The following INPP4B variants were observed in gnomAD, a reference collection of about 807,000 sequenced individuals.
INPP4B encodes inositol polyphosphate 4-phosphatase type II.
In INPP4B, 55 loss-of-function variants were observed where a neutral mutation model predicts 122.5. The observed-to-expected ratio is 0.45, with a 90% CI of 0.36 to 0.56. INPP4B has a LOEUF of 0.56. Among genes scored for constraint, INPP4B ranks in the 20% least tolerant of loss-of-function variants. The probability of loss-of-function intolerance (pLI) is 0.00; values close to 1 mark genes in which losing one functional copy is unlikely to be tolerated. For missense variants in INPP4B, 1,000 were observed against 1,097.7 expected, an observed-to-expected ratio of 0.91 and a Z score of 1.26; for synonymous variants, 403 against 388.7, an observed-to-expected ratio of 1.04 and a Z score of -0.43.
chr4:142,472,002 G>A (rs1456706243), intron 2 of INPP4B, among the ~76,000 whole-genome samples: 2 of 151,934 alleles, frequency 1.3e-5, no homozygotes, highest in Admixed American at 6.6e-5. Context: ...AAGCACTGTG[G>A]GCCTTAGCAG....
At chr4:142,207,690 G>C (rs1427974812) in intron 14 of INPP4B, among the ~76,000 whole-genome samples, 1 of 152,048 alleles carries the variant, frequency 6.6e-6, no homozygotes, top group Non-Finnish European at 1.5e-5. Flanking sequence ...GGAGGACAGG[G>C]ACATAATCTA....
chr4:142,690,594 A>T (rs190039657), intron 2 of INPP4B, among the ~76,000 whole-genome samples: 8 of 152,294 alleles, frequency 5.3e-5, no homozygotes, highest in Non-Finnish European at 1.2e-4. Context: ...ACATTGAAAC[A>T]ATCTTGAAAG....
chr4:142,743,407 A>G (rs1768186677), intron 1 of INPP4B, among the ~76,000 whole-genome samples: 1 of 151,992 alleles, frequency 6.6e-6, no homozygotes, highest in Non-Finnish European at 1.5e-5. Context: ...GAGGTTTCAG[A>G]TATCTGAGCA....
At chr4:142,365,657 C>T (rs913493103) in intron 7 of INPP4B, among the ~76,000 whole-genome samples, 6 of 152,116 alleles carry the variant, frequency 3.9e-5, no homozygotes, top group African/African-American at 1.4e-4. Context: ...CACAGCAGCT[C>T]ATTAGAATGC....
At chr4:142,225,115 G>A (rs894848654) in intron 12 of INPP4B, among the ~76,000 whole-genome samples, 6 of 152,034 alleles carry the variant, frequency 3.9e-5, no homozygotes, top group Admixed American at 6.6e-5. Flanking sequence ...CCATCCAATC[G>A]GCTGCCAAAG....
rs116168304 is a variant in INPP4B, at chr4:142,302,253, A to G, written c.503+3205T>C. 8.7e-3 allele frequency among the ~76,000 whole-genome samples: 1,326 copies of G among 152,258 alleles called. 17 individuals carry two copies. Among genetic ancestry groups the G allele is most frequent in the African/African-American group, 0.03 (1,257 of 41,550 alleles). On this transcript the variant is annotated intron_variant, in intron 9 of 25. Transcript: ENST00000262992. ...CTGGCATAGGACCACTCTTCTAGTC[A>G]TCACCTTCTGTAAGCCTCGGCACGG...
In INPP4B at chr4:142,029,704, T is replaced by C. The variant is rs1738603785; in HGVS notation, c.2643-790A>G. On this transcript the variant is annotated intron_variant, in intron 25 of 25. Coordinates refer to ENST00000262992, the MANE Select transcript of INPP4B (RefSeq NM_001101669.3). The stretch of plus-strand genomic sequence containing the variant: ...AATTTCTATCAGCAGATGGCATCTA[T>C]GATATTAGCACAGTGGAAATAAAGT... 2.1e-5 allele frequency: 21 copies of C among 986,028 alleles called. No homozygotes were observed. In the South Asian group the frequency reaches 7.5e-4, roughly 35 times the overall value. The allele number at this position is 986,028 out of a possible 1,614,324, so 61.1% of individuals were successfully genotyped here.
chr4:142,502,356 T>C (rs1823491407), intron 2 of INPP4B, among the ~76,000 whole-genome samples: 1 of 152,162 alleles, frequency 6.6e-6, no homozygotes, highest in Non-Finnish European at 1.5e-5. Context: ...TCTTTGAATG[T>C]ACTTATGAAT....
chr4:142,350,131 T>C (rs1781499603), intron 7 of INPP4B, among the ~76,000 whole-genome samples: 1 of 151,962 alleles, frequency 6.6e-6, no homozygotes, highest in African/African-American at 2.4e-5. Flanking sequence ...AGAACTTGAA[T>C]TGTATGTTGC....
intron 23 of INPP4B, among the ~76,000 whole-genome samples, chr4:142,097,710 A>G (rs985074099): frequency 2.6e-5 from 4 of 152,174 alleles, no homozygotes; most frequent in Non-Finnish European, 4.4e-5. Flanking sequence ...AGAACCTTCA[A>G]TGTGATAATG....
chr4:142,195,873 G>A (rs1432665113), intron 14 of INPP4B, among the ~76,000 whole-genome samples: 1 of 152,130 alleles, frequency 6.6e-6, no homozygotes, highest in Non-Finnish European at 1.5e-5. Flanking sequence ...CTATGCAAGT[G>A]GCAGGCCCTG....
chr4:142,351,613 AAAC>A (rs1781947466), intron 7 of INPP4B, among the ~76,000 whole-genome samples: 1 of 151,996 alleles, frequency 6.6e-6, no homozygotes, highest in African/African-American at 2.4e-5. Context: ...TTTTCCATAG[AAAC>A]TACTTCCTTT....
At chr4:142,081,979 A>G in intron 25 of INPP4B, 52 bp downstream of exon 25, 2 of 1,288,438 alleles carry the variant, frequency 1.6e-6, no homozygotes, top group Non-Finnish European at 2.0e-6. Context: ...AAAAAATAAA[A>G]ACAACTCAAA....
chr4:142,652,787 C>T (rs1476620492), intron 2 of INPP4B, among the ~76,000 whole-genome samples: 1 of 152,098 alleles, frequency 6.6e-6, no homozygotes, highest in African/African-American at 2.4e-5. Flanking sequence ...GCCATATTGC[C>T]CAAGGTAATT....
chr4:142,827,396 C>T (rs1424936032), intron 1 of INPP4B, among the ~76,000 whole-genome samples: 1 of 152,158 alleles, frequency 6.6e-6, no homozygotes, highest in Admixed American at 6.6e-5. Context: ...TTAACAAAGT[C>T]ACACACAAAC....
chr4:142,726,329 G>C (rs1269992071), intron 1 of INPP4B, among the ~76,000 whole-genome samples: 1 of 152,174 alleles, frequency 6.6e-6, no homozygotes, highest in Non-Finnish European at 1.5e-5. Context: ...CTGCTAGTGA[G>C]CATGGGTTTT....
chr4:142,613,342 A>G (rs1469496776), intron 2 of INPP4B, among the ~76,000 whole-genome samples: 2 of 152,246 alleles, frequency 1.3e-5, no homozygotes, highest in African/African-American at 4.8e-5. Context: ...ATATATTAAT[A>G]TGAAGATAAC....
intron 23 of INPP4B, among the ~76,000 whole-genome samples, chr4:142,103,199 T>A (rs1166668697): frequency 6.6e-6 from 1 of 152,086 alleles, no homozygotes; most frequent in Non-Finnish European, 1.5e-5. Context: ...ATATTTTTGC[T>A]CATTTTCACG....
chr4:142,080,415 T>C (rs1181399855), intron 25 of INPP4B, among the ~76,000 whole-genome samples: 1 of 152,122 alleles, frequency 6.6e-6, no homozygotes, highest in African/African-American at 2.4e-5. Context: ...ACGGTCCTCA[T>C]ATACAGACAA....
Sources: allele counts gnomAD v4.1 joint callset (sites outside exome capture counted in the v4.1 genomes callset), GRCh38; gene constraint gnomAD v4.1.1; transcripts MANE v1.5; gene names NCBI Gene and HGNC (gene_info 2026-07-23, HGNC 2026-07-21).